RUFY3: variants seen among roughly 807,000 people sequenced by gnomAD.
The protein encoded by RUFY3 is RUN and FYVE domain containing 3.
A neutral mutation model predicts 84.0 loss-of-function variants in RUFY3; 34 were observed. The observed-to-expected ratio is 0.40, with a 90% CI of 0.31 to 0.54. The LOEUF is 0.54. Among genes scored for constraint, RUFY3 ranks in the 20% least tolerant of loss-of-function variants. The pLI is 0.39. For missense variants in RUFY3, 507 were observed against 736.8 expected, an observed-to-expected ratio of 0.69 and a Z score of 3.61; for synonymous variants, 242 against 252.9, an observed-to-expected ratio of 0.96 and a Z score of 0.41.
At chr4:70,728,347 C>T (rs1047874653) in intron 1 of RUFY3, among the ~76,000 whole-genome samples, 32 of 152,134 alleles carry the variant, frequency 2.1e-4, no homozygotes, top group South Asian at 1.4e-3. Flanking sequence ...GGCTTGCTGC[C>T]GCTGCGCAGC....
At chr4:70,705,337 C>G (rs1039604640) in intron 1 of RUFY3, 6 of 1,296,092 alleles carry the variant, frequency 4.6e-6, no homozygotes, top group East Asian at 3.2e-5. Context: ...GGGAAGGGAG[C>G]ATTCGGCTGG....
intron 10 of RUFY3, among the ~76,000 whole-genome samples, 159 bp from the exon 11 acceptor site, chr4:70,788,647 T>C (rs1417304627): frequency 6.6e-6 from 1 of 152,172 alleles, no homozygotes; most frequent in African/African-American, 2.4e-5. Context: ...AATTATTAAT[T>C]AATTATTGTT....
chr4:70,741,795 G>A, intron 1 of RUFY3: 1 of 667,012 alleles, frequency 1.5e-6, no homozygotes, highest in Non-Finnish European at 2.2e-6. Context: ...TATTTCCCAT[G>A]GCAATAAGTG....
At chr4:70,767,133 T>G (rs1398028008) in intron 4 of RUFY3, among the ~76,000 whole-genome samples, 1 of 152,124 alleles carries the variant, frequency 6.6e-6, no homozygotes, top group Non-Finnish European at 1.5e-5. Flanking sequence ...TTGCCCAGGC[T>G]GGAGTGCAGT....
intron 1 of RUFY3, among the ~76,000 whole-genome samples, chr4:70,723,754 G>C (rs1362744797): frequency 6.6e-6 from 1 of 152,170 alleles, no homozygotes; most frequent in Admixed American, 6.5e-5. Context: ...CTGATAGTTA[G>C]GCACATCGAC....
chr4:70,767,958 C>T (rs200843648), intron 4 of RUFY3, among the ~76,000 whole-genome samples: 3 of 152,112 alleles, frequency 2.0e-5, no homozygotes, highest in Non-Finnish European at 2.9e-5. Context: ...GGATTACAAG[C>T]GTGAGCCACC....
rs183362243 is a variant in RUFY3, at chr4:70,756,923, T to C, written c.179-5596T>C. On this transcript the variant is annotated intron_variant, in intron 1 of 17. Coordinates refer to ENST00000381006, the MANE Select transcript of RUFY3 (RefSeq NM_001037442.4). ...CATCAATTATCTTAGTTTTAAGAAA[T>C]GTAGAAAACTAACATTTCCATAGAA... is the stretch of plus-strand genomic sequence containing the variant. Among the ~76,000 whole-genome samples the C allele has an allele frequency of 1.3e-4, 20 of 152,266 alleles. No individual in the cohort carries two copies. In the East Asian group the frequency reaches 3.9e-3, roughly 29 times the overall value.
intron 4 of RUFY3, among the ~76,000 whole-genome samples, chr4:70,767,259 ATTTTTTTTTTTTTT>A (rs779388140): frequency 4.0e-4 from 20 of 49,690 alleles, no homozygotes; most frequent in South Asian, 6.4e-4. Flanking sequence ...CTAATTTTGT[ATTTTTTTTTTTTTT>A]TTTTTTTTTT....
intron 1 of RUFY3, among the ~76,000 whole-genome samples, chr4:70,752,645 C>T (rs1723315912): frequency 1.3e-5 from 2 of 152,140 alleles, no homozygotes; most frequent in African/African-American, 4.8e-5. Context: ...TTGTCAAGTA[C>T]TTTGTCTGCT....
chr4:70,779,457 T>C (rs1578190788), intron 8 of RUFY3, among the ~76,000 whole-genome samples: 1 of 152,198 alleles, frequency 6.6e-6, no homozygotes. Flanking sequence ...AATAAAAATA[T>C]TTTTTCCTTA....
chr4:70,726,679 C>CT (rs1718301201), intron 1 of RUFY3, among the ~76,000 whole-genome samples: 1 of 152,222 alleles, frequency 6.6e-6, no homozygotes, highest in Admixed American at 6.5e-5. Flanking sequence ...GCCCATTACT[C>CT]TTTCAGTTGA....
At chr4:70,789,885 G>A (rs1368185370) in intron 12 of RUFY3, 2 of 1,057,254 alleles carry the variant, frequency 1.9e-6, no homozygotes, top group Admixed American at 5.3e-5. Context: ...ATGTGTTAGA[G>A]GAAGGATACT....
chr4:70,793,198 G>A, intron 12 of RUFY3: 6 of 986,108 alleles, frequency 6.1e-6, no homozygotes, highest in Non-Finnish European at 7.2e-6. Flanking sequence ...GAATGGGAAA[G>A]GAAGGAGACA....
At position 70,775,198 on chromosome 4, in the gene RUFY3, G is replaced by A. The variant is rs1230294095; in HGVS notation, c.789G>A (p.Gln263=). Residue 263 remains glutamine (Q), a synonymous_variant, in exon 7 of 18, where the codon CAG becomes CAA. Transcript: ENST00000381006. Reference sequence around the variant, plus strand: ...GTCAGATTACTGCAATTCTGGACCAGAAGAACTATGTAGAAGAACTGAACA... The same window carrying A: ...GTCAGATTACTGCAATTCTGGACCAAAAGAACTATGTAGAAGAACTGAACA... ...GDGQITAILD[Q]KNYVEELNRH... 1 of 1,599,864 alleles carries A rather than the reference G, an allele frequency of 6.3e-7. No individual in the cohort carries two copies. The highest frequency in any genetic ancestry group is 1.3e-5 in the African/African-American group (1 of 74,426).
rs145776087 is a variant in RUFY3 at position 70,723,937 on chromosome 4, T to C, written c.178+1186T>C. Among the ~76,000 whole-genome samples, 336 of 152,312 alleles carry C rather than the reference T, an allele frequency of 2.2e-3. 1 individual carries two copies. The highest frequency in any genetic ancestry group is 7.7e-3 in the African/African-American group (321 of 41,564). On this transcript the variant is annotated intron_variant, in intron 1 of 17. Coordinates refer to ENST00000381006, the MANE Select transcript of RUFY3 (RefSeq NM_001037442.4). The stretch of plus-strand genomic sequence containing the variant: ...AGCCTTGAGAAAGTTTTAGGGATGG[T>C]TAATAACACAGAACACAAAGCAGTC...
chr4:70,722,770 C>G lies in RUFY3; in HGVS notation c.178+19C>G, dbSNP rs201283738. 6.2e-7 allele frequency: 1 copy of G among 1,605,646 alleles called. No homozygotes were observed. Among genetic ancestry groups the G allele is most frequent in the Admixed American group, 1.7e-5 (1 of 59,756 alleles). On this transcript the variant is annotated intron_variant, in intron 1 of 17. Coordinates refer to ENST00000381006, the MANE Select transcript of RUFY3 (RefSeq NM_001037442.4). The stretch of plus-strand genomic sequence containing the variant: ...CATGAAGGTATGGTCAGATCCTGTC[C>G]GCTAGTATTTCACCAGCATCCTCAT...
intron 1 of RUFY3, among the ~76,000 whole-genome samples, chr4:70,736,007 G>T (rs940368084): frequency 1.1e-4 from 17 of 151,824 alleles, no homozygotes; most frequent in Admixed American, 3.9e-4. Flanking sequence ...TTAGCTGGGT[G>T]TGGTGGTGCA....
chr4:70,740,445 T>G (rs1721151945), intron 1 of RUFY3, among the ~76,000 whole-genome samples: 2 of 152,226 alleles, frequency 1.3e-5, no homozygotes, highest in African/African-American at 4.8e-5. Context: ...CCAGAGCCTT[T>G]TTCTATACAA....
chr4:70,705,310 G>C, intron 1 of RUFY3: 1 of 1,355,458 alleles, frequency 7.4e-7, no homozygotes, highest in African/African-American at 1.5e-5. Context: ...TGGCGGAGGG[G>C]CATGGGGACG....
Sources: allele counts gnomAD v4.1 joint callset (sites outside exome capture counted in the v4.1 genomes callset), GRCh38; gene constraint gnomAD v4.1.1; transcripts MANE v1.5; gene names NCBI Gene and HGNC (gene_info 2026-07-23, HGNC 2026-07-21).